The following GPBP1L1 variants were observed in gnomAD, a reference collection of about 807,000 sequenced individuals.
The protein encoded by GPBP1L1 is GC-rich promoter binding protein 1 like 1.
Under a neutral mutation model 52.5 loss-of-function variants are expected in GPBP1L1, and 23 were observed. That is an observed-to-expected ratio of 0.44 (90% CI 0.32 to 0.62). The LOEUF (loss-of-function observed/expected upper bound fraction) is 0.62, where lower values mean the gene tolerates loss of function less well. Among genes scored for constraint, GPBP1L1 ranks in the 20% least tolerant of loss-of-function variants. GPBP1L1 has a pLI of 0.06. For synonymous variants in GPBP1L1, 243 were observed against 203.1 expected, an observed-to-expected ratio of 1.20 and a Z score of -1.67; for missense variants, 596 against 579.3, an observed-to-expected ratio of 1.03 and a Z score of -0.30.
intron 6 of GPBP1L1, among the ~76,000 whole-genome samples, chr1:45,654,038 T>A (rs1312138272): frequency 6.6e-6 from 1 of 152,270 alleles, no homozygotes; most frequent in East Asian, 1.9e-4. Context: ...TAAAACATTT[T>A]AAAGATACTC....
intron 2 of GPBP1L1, among the ~76,000 whole-genome samples, chr1:45,663,890 G>C (rs1644976892): frequency 6.6e-6 from 1 of 152,068 alleles, no homozygotes; most frequent in Admixed American, 6.6e-5. Context: ...GGCTAACTGG[G>C]AGACTTCTGC....
intron 2 of GPBP1L1, among the ~76,000 whole-genome samples, chr1:45,663,967 T>C (rs1229916639): frequency 2.0e-5 from 3 of 151,820 alleles, no homozygotes; most frequent in African/African-American, 2.4e-5. Flanking sequence ...TTTTTTTTTT[T>C]CTGAGACAAT....
chr1:45,637,490 C>A (rs1457178799), intron 8 of GPBP1L1, among the ~76,000 whole-genome samples: 1 of 102,258 alleles, frequency 9.8e-6, no homozygotes, highest in Non-Finnish European at 2.2e-5. Context: ...CTGCCATTCT[C>A]TGCCAACTGT....
At chr1:45,648,455 T>A (rs1302355041) in intron 6 of GPBP1L1, among the ~76,000 whole-genome samples, 1 of 152,210 alleles carries the variant, frequency 6.6e-6, no homozygotes, top group Admixed American at 6.5e-5. Flanking sequence ...CTACTCCCGA[T>A]TAACTGCTGC....
At chr1:45,661,737 C>T (rs987493787) in intron 2 of GPBP1L1, among the ~76,000 whole-genome samples, 1 of 152,068 alleles carries the variant, frequency 6.6e-6, no homozygotes, top group African/African-American at 2.4e-5. Context: ...ACGTGAGTGA[C>T]CCACCATGCC....
chr1:45,673,759 G>A (rs1645104785), intron 2 of GPBP1L1, among the ~76,000 whole-genome samples: 1 of 152,188 alleles, frequency 6.6e-6, no homozygotes. Flanking sequence ...CTAGTCGGGA[G>A]GTTGAGGCAG....
intron 6 of GPBP1L1, among the ~76,000 whole-genome samples, chr1:45,652,200 C>T (rs1644827353): frequency 1.3e-5 from 2 of 152,208 alleles, no homozygotes; most frequent in South Asian, 4.1e-4. Flanking sequence ...GCCAAATATC[C>T]CCCAGCGGGC....
intron 6 of GPBP1L1, chr1:45,645,761 G>A (rs1319770686): frequency 3.3e-6 from 1 of 303,320 alleles, no homozygotes; most frequent in Non-Finnish European, 6.0e-6. Flanking sequence ...ATATTCCGAA[G>A]TTTTTTGTTT....
intron 2 of GPBP1L1, among the ~76,000 whole-genome samples, chr1:45,663,885 A>G (rs1436889146): frequency 6.6e-6 from 1 of 152,194 alleles, no homozygotes; most frequent in Non-Finnish European, 1.5e-5. Flanking sequence ...AGAACGGCTA[A>G]CTGGGAGACT....
rs1460770636 is a variant in GPBP1L1 at position 45,654,708 on chromosome 1, A to G, written c.312T>C (p.Asp104=). ...CACCTCCACTACGTTGGCTCATGCC[A>G]TCATGACCTCGGGAAGAGCTATGCC... is the stretch of plus-strand genomic sequence containing the variant. ...SGWHSSSRGH[D]GMSQRSGGGT... is the part of the protein sequence containing the mutation. The change falls in exon 6 of 13, where the codon GAT becomes GAC. Residue 104 remains aspartate, a synonymous_variant. Transcript: ENST00000355105. 1 of 1,614,188 alleles carries G rather than the reference A, an allele frequency of 6.2e-7. No individual in the cohort carries two copies. The highest frequency in any genetic ancestry group is 8.5e-7 in the Non-Finnish European group (1 of 1,180,030).
intron 6 of GPBP1L1, chr1:45,651,657 G>T: frequency 3.0e-6 from 2 of 675,414 alleles, no homozygotes; most frequent in Admixed American, 2.0e-5. Context: ...ATATAGCAGG[G>T]CCATTTCACA....
At chr1:45,669,094 T>C (rs533613199) in intron 2 of GPBP1L1, among the ~76,000 whole-genome samples, 1 of 152,388 alleles carries the variant, frequency 6.6e-6, no homozygotes, top group African/African-American at 2.4e-5. Context: ...CCATTCTATC[T>C]ATACTATATA....
At chr1:45,670,885 C>T (rs564033332) in intron 2 of GPBP1L1, among the ~76,000 whole-genome samples, 1 of 149,796 alleles carries the variant, frequency 6.7e-6, no homozygotes, top group Non-Finnish European at 1.5e-5. Context: ...CTCCGCCTCC[C>T]AGGTTCACGC....
intron 6 of GPBP1L1, among the ~76,000 whole-genome samples, chr1:45,648,594 T>G (rs1052030631): frequency 3.9e-5 from 6 of 152,230 alleles, no homozygotes; most frequent in Non-Finnish European, 4.4e-5. Flanking sequence ...ACCAAGCCTC[T>G]TATATAGATT....
intron 2 of GPBP1L1, among the ~76,000 whole-genome samples, chr1:45,664,474 G>A (rs932701327): frequency 6.6e-6 from 1 of 152,138 alleles, no homozygotes; most frequent in Non-Finnish European, 1.5e-5. Context: ...GCTGAGGCAG[G>A]AGAATGGCGT....
intron 6 of GPBP1L1, chr1:45,645,722 A>C (rs569694821): frequency 3.0e-6 from 1 of 335,902 alleles, no homozygotes; most frequent in Non-Finnish European, 5.6e-6. Flanking sequence ...CTTGTTCTTC[A>C]GTAGTTCTCA....
intron 6 of GPBP1L1, among the ~76,000 whole-genome samples, chr1:45,645,461 C>T: frequency 6.6e-6 from 1 of 152,118 alleles, no homozygotes; most frequent in Non-Finnish European, 1.5e-5. Flanking sequence ...TGCTTTATTC[C>T]ATATTATGCA....
rs144349553 is a variant in GPBP1L1 at position 45,668,606 on chromosome 1, G to A, written c.-1097-7381C>T. Among the ~76,000 whole-genome samples the A allele has an allele frequency of 2.2e-3, 330 of 151,814 alleles. 8 individuals carry two copies. In the East Asian group the frequency reaches 0.05, roughly 23 times the overall value. On this transcript the variant is annotated intron_variant, in intron 2 of 12. Transcript: ENST00000355105. The stretch of plus-strand genomic sequence containing the variant: ...GAAGTGGCAGAGGTTGCAGTGAGCC[G>A]AGATCACACCACTGCACTCCAGCCT...
rs1569756838 is a variant in GPBP1L1 at position 45,633,840 on chromosome 1, G to T, written c.886-193C>A. The T allele has an allele frequency of 4.5e-6, 3 of 666,136 alleles. No individual in the cohort carries two copies. In the East Asian group the frequency reaches 8.2e-5, roughly 18 times the overall value. The allele number at this position is 666,136 out of a possible 1,614,324, so 41.3% of individuals were successfully genotyped here. On this transcript the variant is annotated intron_variant, in intron 9 of 12. Coordinates refer to ENST00000355105, the MANE Select transcript of GPBP1L1 (RefSeq NM_021639.5). ...ATAGTTAAGAGCAGCTGGCTTACAT[G>T]GCACCTCTTTGATCTTTCTACAGAC...
Sources: allele counts gnomAD v4.1 joint callset (sites outside exome capture counted in the v4.1 genomes callset), GRCh38; gene constraint gnomAD v4.1.1; transcripts MANE v1.5; gene names NCBI Gene and HGNC (gene_info 2026-07-23, HGNC 2026-07-21).